The following CACNG3 variants were observed in gnomAD, a reference collection of about 807,000 sequenced individuals.
CACNG3 encodes the protein voltage-dependent calcium channel gamma-3 subunit.
Under a neutral mutation model 28.5 loss-of-function variants are expected in CACNG3, and 3 were observed. The ratio of observed to expected loss-of-function variants is 0.11; its 90% CI spans 0.05 to 0.27. CACNG3 has a LOEUF of 0.27. CACNG3 is among the 10% of genes least tolerant of loss of function. CACNG3 has a pLI of 1.00. For missense variants in CACNG3, 236 were observed against 414.4 expected (o/e 0.57, Z 3.74); for synonymous variants, 174 against 162.2 (o/e 1.07, Z -0.55).
chr16:24,343,854 C>T (rs1411137497), intron 1 of CACNG3, among the ~76,000 whole-genome samples: 1 of 152,078 alleles, frequency 6.6e-6, no homozygotes, highest in East Asian at 1.9e-4. Context: ...CTTTGGGAGT[C>T]TGAGACGGGT....
rs1337356324 is a variant in CACNG3 at position 24,361,437 on chromosome 16, C to T, written c.522C>T (p.Ser174=). The change falls in exon 4 of 4, where the codon TCC becomes TCT. Residue 174 remains serine, a synonymous_variant. Coordinates refer to ENST00000005284, the MANE Select transcript of CACNG3 (RefSeq NM_006539.4). This position sits in a 1 kb window ranked among gnomAD's most constrained non-coding sequence, Gnocchi z 6.8. ...PGQRDSKKSY[S]YGWSFYFGAF... ...AGCGTGACTCCAAAAAAAGTTACTC[C>T]TATGGTTGGTCCTTTTATTTCGGAG... 1 of 1,614,052 alleles carries T rather than the reference C, an allele frequency of 6.2e-7. No homozygotes were observed. The highest frequency in any genetic ancestry group is 1.3e-5 in the African/African-American group (1 of 74,912).
In CACNG3 at chr16:24,315,418, TCTCC is replaced by T. The variant is rs547493647; in HGVS notation, c.212-31297_212-31294del. Among the ~76,000 whole-genome samples the T allele has an allele frequency of 1.3e-3, 200 of 148,640 alleles. 1 individual carries two copies. The highest frequency in any genetic ancestry group is 3.2e-3 in the South Asian group (15 of 4,666). On this transcript the variant is annotated intron_variant, in intron 1 of 3. Coordinates refer to ENST00000005284, the MANE Select transcript of CACNG3 (RefSeq NM_006539.4). ...CACCCTCAACCTCACCATCATCATC[TCTCC>T]CTCCCTCCCTCCCTCCCTGCCTTCC...
intron 1 of CACNG3, among the ~76,000 whole-genome samples, chr16:24,327,186 A>C (rs906244934): frequency 4.9e-5 from 7 of 142,596 alleles, no homozygotes; most frequent in Non-Finnish European, 1.1e-4. Flanking sequence ...GAGGAAAAGA[A>C]GACTTGGGCT....
At chr16:24,352,530 GTTGTTTGT>G (rs60365846) in intron 2 of CACNG3, among the ~76,000 whole-genome samples, 71,012 of 150,730 alleles carry the variant, frequency 0.47, 17,092 homozygotes, top group East Asian at 0.58. Context: ...TTTTGTTGTT[GTTGTTTGT>G]TTGTTTGTTT....
chr16:24,361,378 G>A lies in CACNG3; in HGVS notation c.463G>A (p.Val155Ile). The A allele has an allele frequency of 6.2e-7, 1 of 1,609,150 alleles. No individual in the cohort carries two copies. Among genetic ancestry groups the A allele is most frequent in the Non-Finnish European group, 8.5e-7 (1 of 1,178,016 alleles). Residue 155 changes from valine to isoleucine, a missense_variant, in exon 4 of 4, where the codon GTT becomes ATT. By Grantham distance (29) the Val-to-Ile change is conservative. Around this residue, in one of 2 missense-constraint regions of CACNG3, gnomAD observed 120 missense variants for 263.4 expected, o/e 0.46. Coordinates refer to ENST00000005284, the MANE Select transcript of CACNG3 (RefSeq NM_006539.4). This position sits in a 1 kb window ranked among gnomAD's most constrained non-coding sequence, Gnocchi z 6.8. The stretch of plus-strand genomic sequence containing the variant: ...GTTAAGCAACATCATTGGCATCATA[G>A]TTTATATATCAGCCAACGCCGGAGA... ...AGLSNIIGII[V>I]YISANAGDPG... is the part of the protein sequence containing the mutation.
At chr16:24,257,417 GA>G (rs1898479103) in intron 1 of CACNG3, among the ~76,000 whole-genome samples, 1 of 132,120 alleles carries the variant, frequency 7.6e-6, no homozygotes, top group East Asian at 2.5e-4. Context: ...GAGAGAGAGA[GA>G]GAGAGAGAGA....
chr16:24,326,081 G>T (rs574886798), intron 1 of CACNG3, among the ~76,000 whole-genome samples: 6 of 152,138 alleles, frequency 3.9e-5, no homozygotes, highest in Non-Finnish European at 8.8e-5. Context: ...TCTCCAACGT[G>T]GGGGGGTTGG....
intron 1 of CACNG3, among the ~76,000 whole-genome samples, chr16:24,343,337 C>T (rs1414796250): frequency 2.0e-5 from 3 of 152,146 alleles, no homozygotes; most frequent in African/African-American, 7.2e-5. Context: ...TATGTAGTTC[C>T]GAATTCCCTC....
At chr16:24,342,317 T>G (rs1227459905) in intron 1 of CACNG3, among the ~76,000 whole-genome samples, 1 of 152,114 alleles carries the variant, frequency 6.6e-6, no homozygotes, top group Non-Finnish European at 1.5e-5. Flanking sequence ...TTACTTAATT[T>G]TTAAAAATAA....
chr16:24,329,397 T>A (rs1477326487), intron 1 of CACNG3, among the ~76,000 whole-genome samples: 3 of 152,162 alleles, frequency 2.0e-5, no homozygotes, highest in Non-Finnish European at 2.9e-5. Flanking sequence ...TGGAGACAGA[T>A]CCAGGAGGCT....
intron 1 of CACNG3, among the ~76,000 whole-genome samples, chr16:24,279,265 C>T (rs1898789946): frequency 6.6e-6 from 1 of 152,104 alleles, no homozygotes; most frequent in South Asian, 2.1e-4. Context: ...AAGTGTGGGA[C>T]ATGGACTGGG....
chr16:24,297,097 A>C (rs938170562), intron 1 of CACNG3, among the ~76,000 whole-genome samples: 3 of 152,076 alleles, frequency 2.0e-5, no homozygotes, highest in Non-Finnish European at 4.4e-5. Flanking sequence ...CAAAAAACAG[A>C]AACAAAAATT....
chr16:24,286,085 C>A (rs2141353339), intron 1 of CACNG3, among the ~76,000 whole-genome samples: 1 of 152,148 alleles, frequency 6.6e-6, no homozygotes, highest in South Asian at 2.1e-4. Context: ...CTCAAGCAAT[C>A]CCTAACTTGA....
At chr16:24,276,351 A>G (rs1898753678) in intron 1 of CACNG3, among the ~76,000 whole-genome samples, 1 of 152,248 alleles carries the variant, frequency 6.6e-6, no homozygotes, top group African/African-American at 2.4e-5. Flanking sequence ...AATTTCTGAT[A>G]TAGGAAATAT....
At chr16:24,285,275 C>A (rs749519883) in intron 1 of CACNG3, among the ~76,000 whole-genome samples, 8 of 152,142 alleles carry the variant, frequency 5.3e-5, no homozygotes, top group Non-Finnish European at 1.2e-4. Context: ...ACAAGGTTAC[C>A]AAAACCATTT....
chr16:24,280,938 T>C (rs766664282), intron 1 of CACNG3, among the ~76,000 whole-genome samples: 2 of 151,678 alleles, frequency 1.3e-5, no homozygotes, highest in East Asian at 1.9e-4. Context: ...ATTCATTCAG[T>C]TGGAAGTGAC....
At position 24,276,761 on chromosome 16, in the gene CACNG3, T is replaced by C. The variant is rs530113540; in HGVS notation, c.211+19796T>C. On this transcript the variant is annotated intron_variant, in intron 1 of 3. Transcript: ENST00000005284. Reference sequence around the variant, plus strand: ...AGTTGGACAGAGCCTGGAGGATTCATAGCATCTTGTGTCTTTGTTCATGAA... The same window carrying C: ...AGTTGGACAGAGCCTGGAGGATTCACAGCATCTTGTGTCTTTGTTCATGAA... 2.0e-5 allele frequency among the ~76,000 whole-genome samples: 3 copies of C among 152,352 alleles called. No individual in the cohort carries two copies. The East Asian group carries it at 5.8e-4, about 29-fold the overall frequency.
At chr16:24,312,837 C>A (rs887309468) in intron 1 of CACNG3, among the ~76,000 whole-genome samples, 4 of 138,750 alleles carry the variant, frequency 2.9e-5, no homozygotes, top group Non-Finnish European at 6.1e-5. Flanking sequence ...CAGGGCAGAG[C>A]TGGGCAAGAC....
intron 1 of CACNG3, among the ~76,000 whole-genome samples, chr16:24,341,806 G>A (rs1899791628): frequency 6.6e-6 from 1 of 152,136 alleles, no homozygotes; most frequent in Non-Finnish European, 1.5e-5. Flanking sequence ...AGCCAGGTGG[G>A]GACTTTGGCC....
Sources: allele counts gnomAD v4.1 joint callset (sites outside exome capture counted in the v4.1 genomes callset), GRCh38; gene constraint gnomAD v4.1.1; regional missense constraint gnomAD v4.1.1; non-coding constraint Gnocchi (gnomAD v3.1); transcripts MANE v1.5; gene names NCBI Gene and HGNC (gene_info 2026-07-23, HGNC 2026-07-21).